Variants in UNK observed in about 807,000 individuals in gnomAD.
The protein encoded by UNK is unk zinc finger, also known as RING finger protein unkempt homolog.
UNK carries 32 observed loss-of-function variants against 97.6 expected under a neutral mutation model. That is an observed-to-expected ratio of 0.33 (90% confidence interval 0.25 to 0.44). The LOEUF is 0.44. UNK is among the 20% of genes least tolerant of loss of function. UNK has a pLI of 1.00. For synonymous variants in UNK, 441 were observed against 461.2 expected, an observed-to-expected ratio of 0.96 and a Z score of 0.56; for missense variants, 771 against 1,098.4, an observed-to-expected ratio of 0.70 and a Z score of 4.21.
intron 1 of UNK, chr17:75,785,896 A>G (rs2061705757): frequency 6.6e-6 from 1 of 151,906 alleles, no homozygotes; most frequent in Admixed American, 6.6e-5. Flanking sequence ...AGTGATGTGC[A>G]TGTTTAAAAG....
At chr17:75,809,091 G>C (rs1432377186) in intron 1 of UNK, 1 of 147,504 alleles carries the variant, frequency 6.8e-6, no homozygotes, top group African/African-American at 2.5e-5. Context: ...GAGCGGCGGG[G>C]GCGGGGGCGG....
In UNK at chr17:75,784,994, GCCC is replaced by G. The variant is rs11335367; in HGVS notation, c.104+21_104+23del. 2.8e-3 allele frequency: 3,012 copies of G among 1,063,132 alleles called. 2 individuals carry two copies. The highest frequency in any genetic ancestry group is 6.4e-3 in the African/African-American group (293 of 46,042). 65.9% of individuals were successfully genotyped at this position (1,063,132 alleles called of 1,614,324 possible). A position where few individuals can be genotyped will look rare whatever the true frequency, so the allele number is the denominator to read the frequency against. On this transcript the variant is annotated intron_variant, in intron 1 of 15. Coordinates refer to ENST00000589666, the MANE Select transcript of UNK (RefSeq NM_001080419.3). The stretch of plus-strand genomic sequence containing the variant: ...AACCGCAGCACTACACGTACGTAGA[GCCC>G]CCCCCCCCCCGCCGCGCGCGCACGC...
rs562666809 is a variant in UNK, at chr17:75,823,455, C to T, written c.2210C>T (p.Ala737Val). 11 of 1,582,296 alleles carry T rather than the reference C, an allele frequency of 7.0e-6. No individual in the cohort carries two copies. Among genetic ancestry groups the T allele is most frequent in the South Asian group, 6.8e-5 (6 of 88,126 alleles). Residue 737 changes from alanine (A) to valine (V), a missense_variant, in exon 15 of 16, where the codon GCG becomes GTG. Coordinates refer to ENST00000589666, the MANE Select transcript of UNK (RefSeq NM_001080419.3). ...QALPAFSDLE[A>V]LSLSTLYSLQ... ...CTGCCCGCCTTCTCCGACCTGGAGG[C>T]GCTCTCACTCTCCACCCTCTACTCC...
chr17:75,812,229 C>T lies in UNK; in HGVS notation c.432C>T (p.Gly144=). Residue 144 remains glycine, a synonymous_variant, in exon 3 of 16, where the codon GGC becomes GGT. Transcript: ENST00000589666. ...TDSKGNCTKN[G]LHCAFAHGPH... Reference sequence around the variant, plus strand: ...CGAAAGGCAACTGCACCAAAAACGGCCTGCACTGCGCTTTTGCCCACGGGC... The same window carrying T: ...CGAAAGGCAACTGCACCAAAAACGGTCTGCACTGCGCTTTTGCCCACGGGC... The T allele has an allele frequency of 6.2e-7, 1 of 1,614,024 alleles. No homozygotes were observed. The highest frequency in any genetic ancestry group is 8.5e-7 in the Non-Finnish European group (1 of 1,179,886).
Position 75,788,174 on chromosome 17 carries a change from A to C in UNK, c.104+3190A>C, listed in dbSNP as rs189940441. On this transcript the variant is annotated intron_variant, in intron 1 of 15. Coordinates refer to ENST00000589666, the MANE Select transcript of UNK (RefSeq NM_001080419.3). ...GAATATTTGTAAGTTTTTGCCTGTC[A>C]ATTTTTTCTTTTTTTTTTTTTTGGA... Among the ~76,000 whole-genome samples the C allele has an allele frequency of 1.1e-4, 17 of 151,592 alleles. No homozygotes were observed. In the East Asian group the frequency reaches 2.9e-3, roughly 26 times the overall value.
At chr17:75,800,110 C>T (rs555958288) in intron 1 of UNK, among the ~76,000 whole-genome samples, 2 of 152,302 alleles carry the variant, frequency 1.3e-5, no homozygotes, top group African/African-American at 4.8e-5. Context: ...AGTCTATCCT[C>T]CTGGCTGGAG....
In UNK at chr17:75,794,478, A is replaced by C. The variant is rs139974345; in HGVS notation, c.104+9494A>C. Among the ~76,000 whole-genome samples, 460 of 152,202 alleles carry C rather than the reference A, an allele frequency of 3.0e-3. 1 individual carries two copies. The highest frequency in any genetic ancestry group is 0.01 in the African/African-American group (432 of 41,536). On this transcript the variant is annotated intron_variant, in intron 1 of 15. Coordinates refer to ENST00000589666, the MANE Select transcript of UNK (RefSeq NM_001080419.3). Reference sequence around the variant, plus strand: ...ATAGTGAAACCCCGTCTCTACTAAAAATACAAAAAACTAGCTGGGTGTGGT... The same window carrying C: ...ATAGTGAAACCCCGTCTCTACTAAACATACAAAAAACTAGCTGGGTGTGGT...
In UNK at chr17:75,813,068, C is replaced by T. The variant is rs764751864; in HGVS notation, c.623-10C>T. ...CTCACCTGACCCCTGCCCTCTGGCCCCCTGTGCAGAGACTGCTTATGTGCT... is the reference window on the plus strand; with the variant it reads ...CTCACCTGACCCCTGCCCTCTGGCCTCCTGTGCAGAGACTGCTTATGTGCT... On this transcript the variant is annotated splice_polypyrimidine_tract_variant and intron_variant, in intron 4 of 15. Coordinates refer to ENST00000589666, the MANE Select transcript of UNK (RefSeq NM_001080419.3). 5 of 1,582,220 alleles carry T rather than the reference C, an allele frequency of 3.2e-6. 1 individual carries two copies. Among genetic ancestry groups the T allele is most frequent in the South Asian group, 2.3e-5 (2 of 86,590 alleles).
intron 1 of UNK, among the ~76,000 whole-genome samples, chr17:75,807,809 G>A (rs1453566473): frequency 6.6e-6 from 1 of 151,062 alleles, no homozygotes; most frequent in Non-Finnish European, 1.5e-5. Flanking sequence ...GTCTGGTCTT[G>A]AACTCCAGAC....
At position 75,822,549 on chromosome 17, in the gene UNK, C is replaced by T; in HGVS notation, c.1910C>T (p.Ala637Val). The change falls in exon 14 of 16, where the codon GCT (alanine) becomes GTT (valine). Residue 637 changes from alanine (A) to valine (V), a missense_variant. Ala to Val is a moderately conservative substitution (Grantham distance 64). This residue lies in a region of UNK where 208 missense variants were observed against 257.4 expected (regional missense o/e 0.81). Transcript: ENST00000589666. The stretch of plus-strand genomic sequence containing the variant: ...AGCTTCTCCCCGGGCACTTCCCCCG[C>T]TTTCCTATCAGGGCCAGGGGCTGCC... ...SGSFSPGTSPAFLSGPGAAEL... is the reference protein window; with the variant it reads ...SGSFSPGTSPVFLSGPGAAEL... 1 of 1,613,664 alleles carries T rather than the reference C, an allele frequency of 6.2e-7. No individual in the cohort carries two copies. Among genetic ancestry groups the T allele is most frequent in the Non-Finnish European group, 8.5e-7 (1 of 1,179,832 alleles).
intron 2 of UNK, among the ~76,000 whole-genome samples, chr17:75,810,699 C>T (rs749624724): frequency 2.6e-5 from 4 of 152,130 alleles, no homozygotes; most frequent in East Asian, 3.9e-4. Context: ...TGCAGGGGTG[C>T]GATCTTGGCT....
chr17:75,796,559 T>C (rs2061807503), intron 1 of UNK, among the ~76,000 whole-genome samples: 1 of 152,162 alleles, frequency 6.6e-6, no homozygotes, highest in South Asian at 2.1e-4. Context: ...ACTTCTGGCC[T>C]CAAGCAGTCG....
chr17:75,806,418 G>A (rs1156911977), intron 1 of UNK, among the ~76,000 whole-genome samples: 1 of 146,074 alleles, frequency 6.8e-6, no homozygotes, highest in Non-Finnish European at 1.5e-5. Flanking sequence ...AGCCAAGATC[G>A]CACCACTGCA....
At chr17:75,798,610 T>C (rs2061828073) in intron 1 of UNK, among the ~76,000 whole-genome samples, 1 of 152,096 alleles carries the variant, frequency 6.6e-6, no homozygotes. Flanking sequence ...CCTCTGAAAG[T>C]GCTGGGATTA....
intron 1 of UNK, chr17:75,791,693 T>C (rs1459601950): frequency 1.0e-6 from 1 of 969,750 alleles, no homozygotes; most frequent in Non-Finnish European, 1.2e-6. Context: ...CTAGTTGATA[T>C]TTGCTATTAT....
In UNK at chr17:75,804,466, T is replaced by C. The variant is rs1309108422; in HGVS notation, c.105-5294T>C. The stretch of plus-strand genomic sequence containing the variant: ...TGAGACTCCATCTAAAAAATAAAAA[T>C]AAAAAATCCATTAATCTGCGCAACT... On this transcript the variant is annotated intron_variant, in intron 1 of 15. Transcript: ENST00000589666. Among the ~76,000 whole-genome samples, 2 of 151,452 alleles carry C rather than the reference T, an allele frequency of 1.3e-5. 1 individual carries two copies. The highest frequency in any genetic ancestry group is 2.9e-5 in the Non-Finnish European group (2 of 67,858).
intron 1 of UNK, among the ~76,000 whole-genome samples, chr17:75,799,294 A>G (rs920892420): frequency 6.6e-6 from 1 of 152,192 alleles, no homozygotes; most frequent in Non-Finnish European, 1.5e-5. Context: ...TGACAGAATG[A>G]GACCCTTTTT....
chr17:75,792,203 G>T, intron 1 of UNK: 1 of 893,976 alleles, frequency 1.1e-6, no homozygotes, highest in African/African-American at 1.8e-5. Flanking sequence ...TGCATTTAAA[G>T]CTGCATTACA....
chr17:75,789,971 G>A (rs773018581), intron 1 of UNK, among the ~76,000 whole-genome samples: 2 of 133,904 alleles, frequency 1.5e-5, no homozygotes, highest in Admixed American at 8.4e-5. Context: ...TAAAACCCCC[G>A]TCTCTACTAA....
Sources: allele counts gnomAD v4.1 joint callset (sites outside exome capture counted in the v4.1 genomes callset), GRCh38; gene constraint gnomAD v4.1.1; regional missense constraint gnomAD v4.1.1; transcripts MANE v1.5; gene names NCBI Gene and HGNC (gene_info 2026-07-23, HGNC 2026-07-21).